The following POMZP3 variants were observed in gnomAD, a reference collection of about 807,000 sequenced individuals.
POMZP3 encodes POM121 and ZP3 fusion protein.
In POMZP3, 10 loss-of-function variants were observed where a neutral mutation model predicts 19.8. The ratio of observed to expected loss-of-function variants is 0.51; its 90% CI spans 0.31 to 0.86. The LOEUF (loss-of-function observed/expected upper bound fraction) is 0.86. Ranked by LOEUF, POMZP3 falls within the 40% of genes least tolerant of loss-of-function variation. POMZP3 has a pLI of 0.04. For synonymous variants in POMZP3, 57 were observed against 85.8 expected, an observed-to-expected ratio of 0.66 and a Z score of 1.85; for missense variants, 152 against 228.1, an observed-to-expected ratio of 0.67 and a Z score of 2.15.
At chr7:76,620,705 TG>T (rs1427423611) in intron 3 of POMZP3, among the ~76,000 whole-genome samples, 1 of 151,822 alleles carries the variant, frequency 6.6e-6, no homozygotes. Context: ...TGACCTCAGG[TG>T]ATCTGCCTGC....
At chr7:76,612,385 G>T (rs1815147960) in intron 4 of POMZP3, among the ~76,000 whole-genome samples, 1 of 90,868 alleles carries the variant, frequency 1.1e-5, no homozygotes. Flanking sequence ...TGTCACCCAG[G>T]CTGGAGTACA....
intron 3 of POMZP3, among the ~76,000 whole-genome samples, chr7:76,621,923 G>GAC (rs1815583071): frequency 1.1e-5 from 1 of 94,320 alleles, no homozygotes; most frequent in Admixed American, 1.0e-4. Context: ...CTGGGTGACA[G>GAC]CAAGACTCCG....
intron 3 of POMZP3, among the ~76,000 whole-genome samples, 198 bp downstream of exon 3, chr7:76,625,324 T>C (rs973571402): frequency 4.6e-5 from 7 of 151,498 alleles, no homozygotes; most frequent in Non-Finnish European, 1.0e-4. Context: ...AGGTAAATTA[T>C]GACATCGATC....
rs535676593 is a variant in POMZP3, at chr7:76,618,999, G to C, written c.228-699C>G. ...GATAGGGTCTCACCATATTGCCCAA[G>C]TTGGTCTCAAACTCCTGGGCTCACG... On this transcript the variant is annotated intron_variant, in intron 3 of 6. Coordinates refer to ENST00000310842, the MANE Select transcript of POMZP3 (RefSeq NM_012230.5). Among the ~76,000 whole-genome samples, 100 of 152,192 alleles carry C rather than the reference G, an allele frequency of 6.6e-4. 1 individual carries two copies. The highest frequency in any genetic ancestry group is 2.1e-3 in the African/African-American group (88 of 41,530).
rs1815208243 is a variant in POMZP3, at chr7:76,614,059, T to A, written c.346-2246A>T. Among the ~76,000 whole-genome samples, 2 of 92,966 alleles carry A rather than the reference T, an allele frequency of 2.2e-5. 1 individual carries two copies. The highest frequency in any genetic ancestry group is 7.3e-4 in the South Asian group (2 of 2,742). 61.0% of individuals were successfully genotyped at this position (92,966 alleles called of 152,430 possible). A position where few individuals can be genotyped will look rare whatever the true frequency, so the allele number is the denominator to read the frequency against. On this transcript the variant is annotated intron_variant, in intron 4 of 6. Coordinates refer to ENST00000310842, the MANE Select transcript of POMZP3 (RefSeq NM_012230.5). ...CTTGAAACCATGTAAATTCAGACTTTTAGAAACAAGCCAGTTTAGCAGTTG... is the reference window on the plus strand; with the variant it reads ...CTTGAAACCATGTAAATTCAGACTTATAGAAACAAGCCAGTTTAGCAGTTG...
chr7:76,616,457 C>T (rs1269871450), intron 4 of POMZP3, among the ~76,000 whole-genome samples: 1 of 101,218 alleles, frequency 9.9e-6, no homozygotes, highest in Admixed American at 9.5e-5. Context: ...TACAACCTCT[C>T]CAGATGATTA....
Position 76,620,928 on chromosome 7 carries a change from G to C in POMZP3, c.228-2628C>G, listed in dbSNP as rs187024240. Among the ~76,000 whole-genome samples the C allele has an allele frequency of 8.8e-3, 1,222 of 138,276 alleles. 49 individuals carry two copies. The East Asian group carries it at 0.12, about 13-fold the overall frequency. 90.7% of individuals were successfully genotyped at this position (138,276 alleles called of 152,430 possible). On this transcript the variant is annotated intron_variant, in intron 3 of 6. Coordinates refer to ENST00000310842, the MANE Select transcript of POMZP3 (RefSeq NM_012230.5). ...GTGTCGCCAAGGCTGGAGTGCAGTGGCATGATCTTGGCTCACTGCAACCTC... is the reference window on the plus strand; with the variant it reads ...GTGTCGCCAAGGCTGGAGTGCAGTGCCATGATCTTGGCTCACTGCAACCTC...
chr7:76,616,118 A>G (rs983656026), intron 4 of POMZP3, among the ~76,000 whole-genome samples: 1 of 133,652 alleles, frequency 7.5e-6, no homozygotes, highest in African/African-American at 2.8e-5. Flanking sequence ...CCCTGTCTCT[A>G]CTAAGAAATA....
At chr7:76,618,582 T>C (rs531701521) in intron 3 of POMZP3, 37 of 429,430 alleles carry the variant, frequency 8.6e-5, no homozygotes, top group East Asian at 7.2e-4. Flanking sequence ...AATTGCACCA[T>C]TGCACTAGCC....
intron 2 of POMZP3, 32 bp from the exon 3 acceptor site, chr7:76,625,715 A>G (rs2527936): frequency 0.37 from 595,370 of 1,604,172 alleles, 117,266 homozygotes; most frequent in African/African-American, 0.68. Flanking sequence ...TAGCAGTAAG[A>G]TATTTTAATT....
intron 3 of POMZP3, among the ~76,000 whole-genome samples, chr7:76,621,745 C>G (rs1482142786): frequency 6.6e-6 from 1 of 151,670 alleles, no homozygotes; most frequent in African/African-American, 2.4e-5. Flanking sequence ...TCGAGACCAT[C>G]CTGGCTAACA....
chr7:76,619,109 G>A (rs1815406857), intron 3 of POMZP3, among the ~76,000 whole-genome samples: 1 of 152,092 alleles, frequency 6.6e-6, no homozygotes, highest in Non-Finnish European at 1.5e-5. Flanking sequence ...GATTTAGAGA[G>A]GGCTGTCAGC....
chr7:76,611,417 G>A, intron 6 of POMZP3, 37 bp downstream of exon 6: 2 of 1,526,308 alleles, frequency 1.3e-6, no homozygotes, highest in Non-Finnish European at 1.8e-6. Flanking sequence ...ACTGAGTAAG[G>A]GACAATGAAC....
chr7:76,625,805 T>C (rs1390880984), intron 2 of POMZP3, 122 bp from the exon 3 acceptor site: 3 of 1,393,238 alleles, frequency 2.2e-6, no homozygotes, highest in East Asian at 2.3e-5. Flanking sequence ...CAGTTCCCCT[T>C]AGCAAGTAAA....
At position 76,625,699 on chromosome 7, in the gene POMZP3, G is replaced by A. The variant is rs1051663355; in HGVS notation, c.66-16C>T. 41 of 1,609,720 alleles carry A rather than the reference G, an allele frequency of 2.5e-5. 1 individual carries two copies. Among genetic ancestry groups the A allele is most frequent in the Admixed American group, 1.9e-4 (11 of 59,016 alleles). On this transcript the variant is annotated splice_polypyrimidine_tract_variant and intron_variant, in intron 2 of 6. Transcript: ENST00000310842. ...CTGCTCTGGTCTATAATGAAAGACA[G>A]GATTCTAGCAGTAAGATATTTTAAT...
chr7:76,625,768 G>C, intron 2 of POMZP3, 85 bp from the exon 3 acceptor site: 1 of 1,482,996 alleles, frequency 6.7e-7, no homozygotes, highest in East Asian at 2.3e-5. Context: ...TAACCAACAA[G>C]CCAAAGTATA....
Position 76,626,221 on chromosome 7 carries a change from G to C in POMZP3, c.-151-6C>G. On this transcript the variant is annotated splice_region_variant and splice_polypyrimidine_tract_variant and intron_variant, in intron 1 of 6. Transcript: ENST00000310842. ...CTGGTAAAGTCCCACGATCCCTGCA[G>C]AGAATGCGAGACAAATCATGGAAAC... is the stretch of plus-strand genomic sequence containing the variant. The C allele has an allele frequency of 1.3e-6, 2 of 1,542,250 alleles. No individual in the cohort carries two copies. Among genetic ancestry groups the C allele is most frequent in the Non-Finnish European group, 8.8e-7 (1 of 1,138,668 alleles).
chr7:76,616,834 C>T lies in POMZP3; in HGVS notation c.345+1349G>A, dbSNP rs1426709298. ...CTGTGCCATTGCATTCCAGCCTGGA[C>T]TGCAGAGCGAGACTCCAACTCAAAA... is the stretch of plus-strand genomic sequence containing the variant. On this transcript the variant is annotated intron_variant, in intron 4 of 6. Coordinates refer to ENST00000310842, the MANE Select transcript of POMZP3 (RefSeq NM_012230.5). Among the ~76,000 whole-genome samples the T allele has an allele frequency of 2.1e-5, 2 of 93,672 alleles. 1 individual carries two copies. Among genetic ancestry groups the T allele is most frequent in the Non-Finnish European group, 4.6e-5 (2 of 43,056 alleles). The allele number at this position is 93,672 out of a possible 152,430, so 61.5% of individuals were successfully genotyped here.
intron 3 of POMZP3, among the ~76,000 whole-genome samples, chr7:76,620,709 C>T (rs1261079627): frequency 1.3e-5 from 2 of 151,942 alleles, no homozygotes; most frequent in Non-Finnish European, 2.9e-5. Flanking sequence ...CTCAGGTGAT[C>T]TGCCTGCCTC....
Sources: allele counts gnomAD v4.1 joint callset (sites outside exome capture counted in the v4.1 genomes callset), GRCh38; gene constraint gnomAD v4.1.1; transcripts MANE v1.5; gene names NCBI Gene and HGNC (gene_info 2026-07-23, HGNC 2026-07-21).